PDZD8: variants seen among roughly 807,000 people sequenced by gnomAD.
The protein encoded by PDZD8 is PDZ domain containing 8.
In PDZD8, 14 loss-of-function variants were observed where a neutral mutation model predicts 85.8. The observed-to-expected ratio is 0.16, with a 90% CI of 0.11 to 0.26. PDZD8 has a LOEUF of 0.26. PDZD8 is among the 10% of genes least tolerant of loss of function. The pLI, the probability that PDZD8 is intolerant of heterozygous loss-of-function variation, is 1.00. For missense variants in PDZD8, 1,197 were observed against 1,424.3 expected, an observed-to-expected ratio of 0.84 and a Z score of 2.57; for synonymous variants, 592 against 568.6, an observed-to-expected ratio of 1.04 and a Z score of -0.59.
intron 1 of PDZD8, among the ~76,000 whole-genome samples, chr10:117,343,314 T>C (rs1035515981): frequency 2.0e-5 from 3 of 152,172 alleles, no homozygotes; most frequent in African/African-American, 4.8e-5. Context: ...TGCTCAGTGG[T>C]TTTCTCCTGT....
chr10:117,336,540 G>A (rs1023675894), intron 2 of PDZD8, among the ~76,000 whole-genome samples: 4 of 151,892 alleles, frequency 2.6e-5, no homozygotes, highest in African/African-American at 9.7e-5. Context: ...AAAAAGAATT[G>A]GGGCTCTTTG....
intron 2 of PDZD8, among the ~76,000 whole-genome samples, chr10:117,327,826 T>C (rs1411861253): frequency 6.6e-6 from 1 of 152,232 alleles, no homozygotes; most frequent in Non-Finnish European, 1.5e-5. Context: ...TTAATTCTGA[T>C]TTTTAGATTA....
intron 1 of PDZD8, among the ~76,000 whole-genome samples, chr10:117,343,478 C>T (rs1844651666): frequency 6.6e-6 from 1 of 152,104 alleles, no homozygotes; most frequent in South Asian, 2.1e-4. Flanking sequence ...AATGTTGTAG[C>T]TGGGTGCTTT....
chr10:117,286,218 T>C lies in PDZD8; in HGVS notation c.1262-747A>G, dbSNP rs141322271. On this transcript the variant is annotated intron_variant, in intron 4 of 4. Transcript: ENST00000334464. ...TAAAAAGATGTACAGTAAAAAATAT[T>C]CTTTCCACCTCTGTCTCCCAGCCAT... is the stretch of plus-strand genomic sequence containing the variant. Among the ~76,000 whole-genome samples the C allele has an allele frequency of 2.4e-4, 36 of 152,238 alleles. 1 individual carries two copies. Among genetic ancestry groups the C allele is most frequent in the African/African-American group, 7.0e-4 (29 of 41,460 alleles).
At chr10:117,300,874 C>G (rs1471740743) in intron 3 of PDZD8, among the ~76,000 whole-genome samples, 1 of 152,192 alleles carries the variant, frequency 6.6e-6, no homozygotes, top group East Asian at 1.9e-4. Flanking sequence ...GTGCCCTGAT[C>G]TTGGACTTCC....
At chr10:117,369,224 T>C (rs1845145191) in intron 1 of PDZD8, among the ~76,000 whole-genome samples, 1 of 152,164 alleles carries the variant, frequency 6.6e-6, no homozygotes, top group African/African-American at 2.4e-5. Context: ...AGTGGTATGA[T>C]CTCGGCTTGC....
intron 1 of PDZD8, among the ~76,000 whole-genome samples, chr10:117,345,452 G>A (rs1198643834): frequency 6.6e-6 from 1 of 152,182 alleles, no homozygotes; most frequent in Non-Finnish European, 1.5e-5. Flanking sequence ...CCTGGGTGCT[G>A]TTAAAAGCAA....
chr10:117,306,313 A>C (rs1843942472), intron 3 of PDZD8, among the ~76,000 whole-genome samples: 1 of 152,240 alleles, frequency 6.6e-6, no homozygotes, highest in South Asian at 2.1e-4. Context: ...CTCAGGTTCA[A>C]AAGGCTGTTA....
intron 3 of PDZD8, among the ~76,000 whole-genome samples, chr10:117,301,364 A>G (rs1280029662): frequency 6.6e-6 from 1 of 152,166 alleles, no homozygotes; most frequent in African/African-American, 2.4e-5. Flanking sequence ...TTGAATTCTG[A>G]ATATCAGGAA....
At chr10:117,324,129 G>T (rs1844274900) in intron 2 of PDZD8, among the ~76,000 whole-genome samples, 1 of 145,832 alleles carries the variant, frequency 6.9e-6, no homozygotes, top group Non-Finnish European at 1.5e-5. Context: ...TCAAGAGGCT[G>T]AGAGAGGAGA....
In PDZD8 at chr10:117,375,320, C is replaced by A. The variant is rs1845286365; in HGVS notation, c.-93G>T. On this transcript the variant is annotated 5_prime_UTR_variant, in exon 1 of 5. Transcript: ENST00000334464. ...CCCGCTGCCTCCATTTTGAGGACATCGGGCGGCTGGGTCGGGGCGAGCGGC... is the reference window on the plus strand; with the variant it reads ...CCCGCTGCCTCCATTTTGAGGACATAGGGCGGCTGGGTCGGGGCGAGCGGC... 8 of 1,231,526 alleles carry A rather than the reference C, an allele frequency of 6.5e-6. No individual in the cohort carries two copies. The East Asian group carries it at 2.3e-4, about 36-fold the overall frequency. The allele number at this position is 1,231,526 out of a possible 1,614,324, so 76.3% of individuals were successfully genotyped here. A position where few individuals can be genotyped will look rare whatever the true frequency, so the allele number is the denominator to read the frequency against.
chr10:117,302,817 C>T (rs999563523), intron 3 of PDZD8, among the ~76,000 whole-genome samples: 5 of 152,122 alleles, frequency 3.3e-5, no homozygotes, highest in African/African-American at 9.7e-5. Flanking sequence ...CAGGGGTTTC[C>T]GCTTTTGCTT....
At chr10:117,315,587 C>CAAAAAAA (rs35866840) in intron 3 of PDZD8, among the ~76,000 whole-genome samples, 45 of 41,960 alleles carry the variant, frequency 1.1e-3, no homozygotes, top group East Asian at 2.1e-3. Context: ...TAGACTCTCT[C>CAAAAAAA]AAAAAAAAAA....
At chr10:117,329,266 GC>G (rs576545763) in intron 2 of PDZD8, among the ~76,000 whole-genome samples, 84 of 152,148 alleles carry the variant, frequency 5.5e-4, no homozygotes, top group South Asian at 3.5e-3. Context: ...AAACAAAAAA[GC>G]AAAAGAAATT....
At position 117,375,415 on chromosome 10, in the gene PDZD8, C is replaced by T. The variant is rs1845289404; in HGVS notation, c.-188G>A. On this transcript the variant is annotated 5_prime_UTR_variant, in exon 1 of 5. Transcript: ENST00000334464. ...CCGAGCCCGCAGCGGCCCGCGCCTC[C>T]TCAGACGCTCCCGAAGGGCCGGTGT... 3.3e-6 allele frequency: 1 copy of T among 303,560 alleles called. No individual in the cohort carries two copies. The allele number at this position is 303,560 out of a possible 1,614,324, so 18.8% of individuals were successfully genotyped here. A position where few individuals can be genotyped will look rare whatever the true frequency, so the allele number is the denominator to read the frequency against.
intron 2 of PDZD8, among the ~76,000 whole-genome samples, chr10:117,328,172 G>A (rs896802786): frequency 1.3e-5 from 2 of 152,142 alleles, no homozygotes; most frequent in African/African-American, 4.8e-5. Flanking sequence ...CATCACCAAA[G>A]TTATACTCAA....
chr10:117,339,843 C>T (rs1410031267), intron 2 of PDZD8, among the ~76,000 whole-genome samples: 1 of 152,044 alleles, frequency 6.6e-6, no homozygotes, highest in African/African-American at 2.4e-5. Flanking sequence ...AGGGGCTGGG[C>T]GGAGGATGGT....
intron 1 of PDZD8, among the ~76,000 whole-genome samples, chr10:117,370,915 A>T (rs1021781873): frequency 5.4e-4 from 54 of 99,594 alleles, no homozygotes; most frequent in African/African-American, 1.6e-3. Context: ...AGAACAACAT[A>T]GTTTGTGTGT....
At chr10:117,306,637 C>T (rs1843948388) in intron 3 of PDZD8, among the ~76,000 whole-genome samples, 2 of 149,830 alleles carry the variant, frequency 1.3e-5, no homozygotes, top group African/African-American at 4.9e-5. Flanking sequence ...GTATGAGAGC[C>T]TTAGGTACAG....
Sources: gnomAD v4.1 joint callset for allele counts (sites outside exome capture counted in the v4.1 genomes callset) on GRCh38, gnomAD v4.1.1 for gene constraint, MANE v1.5 for transcripts, NCBI Gene and HGNC (gene_info 2026-07-23, HGNC 2026-07-21) for gene names.